Variants in ST8SIA5 observed in about 807,000 individuals in gnomAD.
ST8SIA5 encodes alpha-2,8-sialyltransferase 8E.
ST8SIA5 carries 24 observed loss-of-function variants against 40.2 expected under a neutral mutation model. That is an observed-to-expected ratio of 0.60 (90% confidence interval 0.43 to 0.84). ST8SIA5 has a LOEUF of 0.84. Among genes scored for constraint, ST8SIA5 ranks in the 40% least tolerant of loss-of-function variants. The probability of loss-of-function intolerance (pLI) is 0.00; values close to 1 mark genes in which losing one functional copy is unlikely to be tolerated. For missense variants in ST8SIA5, 465 were observed against 498.5 expected, an observed-to-expected ratio of 0.93 and a Z score of 0.64; for synonymous variants, 198 against 201.8, an observed-to-expected ratio of 0.98 and a Z score of 0.16.
At chr18:46,693,043 T>C (rs2039523341) in intron 2 of ST8SIA5, among the ~76,000 whole-genome samples, 1 of 152,004 alleles carries the variant, frequency 6.6e-6, no homozygotes, top group African/African-American at 2.4e-5. Flanking sequence ...CACTTTCCCC[T>C]CACTGCTGCC....
intron 1 of ST8SIA5, among the ~76,000 whole-genome samples, chr18:46,741,004 C>A (rs185503738): frequency 6.6e-6 from 1 of 152,128 alleles, no homozygotes; most frequent in African/African-American, 2.4e-5. Flanking sequence ...AGACTGTTAA[C>A]TGAAGAGCTA....
chr18:46,727,975 T>C (rs1235684445), intron 1 of ST8SIA5, among the ~76,000 whole-genome samples: 2 of 151,976 alleles, frequency 1.3e-5, no homozygotes, highest in African/African-American at 2.4e-5. Context: ...GGCAGGAGGA[T>C]CACAAGGTCA....
intron 5 of ST8SIA5, among the ~76,000 whole-genome samples, chr18:46,684,945 T>C (rs1000522902): frequency 1.3e-5 from 2 of 151,926 alleles, no homozygotes; most frequent in African/African-American, 4.8e-5. Flanking sequence ...CAACGCAGGA[T>C]GTAGGGGCTG....
Position 46,756,566 on chromosome 18 carries a change from G to A in ST8SIA5, c.-58C>T. On this transcript the variant is annotated 5_prime_UTR_variant, in exon 1 of 7. Transcript: ENST00000315087. ...GGGGCGGCCAGGCAATGACTCGCGGGGTTCCGGGGCCCCGGGGGGCGCGCG... is the reference window on the plus strand; with the variant it reads ...GGGGCGGCCAGGCAATGACTCGCGGAGTTCCGGGGCCCCGGGGGGCGCGCG... The A allele has an allele frequency of 1.3e-6, 2 of 1,581,454 alleles. No individual in the cohort carries two copies. The highest frequency in any genetic ancestry group is 1.7e-6 in the Non-Finnish European group (2 of 1,163,932).
chr18:46,695,701 C>G (rs2039550929), intron 2 of ST8SIA5, among the ~76,000 whole-genome samples: 1 of 152,158 alleles, frequency 6.6e-6, no homozygotes, highest in Non-Finnish European at 1.5e-5. Flanking sequence ...CAGTAAATAC[C>G]ATGGGGGCAG....
chr18:46,731,641 A>C (rs1038693704), intron 1 of ST8SIA5: 2 of 152,254 alleles, frequency 1.3e-5, no homozygotes, highest in African/African-American at 4.8e-5. Flanking sequence ...AAAACAACTC[A>C]ATCTTAAGCC....
chr18:46,736,374 T>C (rs1417548015), intron 1 of ST8SIA5, among the ~76,000 whole-genome samples: 2 of 152,150 alleles, frequency 1.3e-5, no homozygotes, highest in Non-Finnish European at 2.9e-5. Context: ...GGCCTGAGAT[T>C]GGACCTGCAG....
At chr18:46,756,263 C>T (rs1000127402) in intron 1 of ST8SIA5, 115 bp downstream of exon 1, 6 of 1,425,922 alleles carry the variant, frequency 4.2e-6, no homozygotes, top group African/African-American at 2.9e-5. Context: ...GGGCTAGGAG[C>T]GGACCCCACG....
intron 1 of ST8SIA5, among the ~76,000 whole-genome samples, chr18:46,751,372 T>A (rs2040194008): frequency 6.6e-6 from 1 of 151,862 alleles, no homozygotes; most frequent in African/African-American, 2.4e-5. Flanking sequence ...ATTTATTTAT[T>A]TATTTATTTA....
At chr18:46,740,265 C>G (rs2144558474) in intron 1 of ST8SIA5, among the ~76,000 whole-genome samples, 1 of 152,228 alleles carries the variant, frequency 6.6e-6, no homozygotes, top group Middle Eastern at 3.4e-3. Context: ...GGCCAAAGGG[C>G]CCTCCCAAGG....
At chr18:46,698,894 G>A (rs2039583328) in intron 2 of ST8SIA5, among the ~76,000 whole-genome samples, 1 of 152,080 alleles carries the variant, frequency 6.6e-6, no homozygotes, top group Non-Finnish European at 1.5e-5. Context: ...GGAAACAAGG[G>A]GAAAAAGATG....
intron 6 of ST8SIA5, 123 bp downstream of exon 6, chr18:46,681,849 G>C (rs1568248197): frequency 1.1e-6 from 1 of 880,382 alleles, no homozygotes. Flanking sequence ...TTGAAACCCA[G>C]TGTGTGTTTT....
chr18:46,682,132 G>T, intron 5 of ST8SIA5, 68 bp from the exon 6 acceptor site: 1 of 1,217,710 alleles, frequency 8.2e-7, no homozygotes, highest in Non-Finnish European at 1.1e-6. Flanking sequence ...AGGGTGCAGG[G>T]GGAGGGGAGG....
At chr18:46,710,285 C>CAGCTCTCCTCTCT (rs1568262871) in intron 1 of ST8SIA5, among the ~76,000 whole-genome samples, 2 of 152,050 alleles carry the variant, frequency 1.3e-5, no homozygotes, top group Non-Finnish European at 2.9e-5. Flanking sequence ...CAGTTCTCTC[C>CAGCTCTCCTCTCT]CTGCCCAGAC....
chr18:46,689,919 T>C (rs890321154), intron 3 of ST8SIA5, among the ~76,000 whole-genome samples: 1 of 151,906 alleles, frequency 6.6e-6, no homozygotes, highest in African/African-American at 2.4e-5. Context: ...TTTCATCTCT[T>C]GCAGGTACTT....
At chr18:46,689,303 G>C (rs777530823) in intron 3 of ST8SIA5, among the ~76,000 whole-genome samples, 29 of 152,118 alleles carry the variant, frequency 1.9e-4, no homozygotes, top group Non-Finnish European at 3.1e-4. Flanking sequence ...GGAACTCCTC[G>C]ACGGAGCCTG....
intron 1 of ST8SIA5, among the ~76,000 whole-genome samples, chr18:46,742,104 A>T (rs1201330023): frequency 6.6e-6 from 1 of 151,392 alleles, no homozygotes; most frequent in Non-Finnish European, 1.5e-5. Context: ...CCATGTAAAA[A>T]ATAAATAAAT....
Position 46,678,562 on chromosome 18 carries a change from AT to A in ST8SIA5, c.*1479del, listed in dbSNP as rs1378764860. On this transcript the variant is annotated 3_prime_UTR_variant, in exon 7 of 7. Coordinates refer to ENST00000315087, the MANE Select transcript of ST8SIA5 (RefSeq NM_013305.6). ...GGCCCTGCACCCCCAGAAGACACAG[AT>A]AATGCCTTTGTTTATCCTTATGTCT... 1.3e-5 allele frequency: 2 copies of A among 152,300 alleles called. No individual in the cohort carries two copies. Among genetic ancestry groups the A allele is most frequent in the African/African-American group, 4.8e-5 (2 of 41,456 alleles). 9.4% of individuals were successfully genotyped at this position (152,300 alleles called of 1,614,324 possible). A position where few individuals can be genotyped will look rare whatever the true frequency, so the allele number is the denominator to read the frequency against.
chr18:46,751,980 C>A (rs2040199951), intron 1 of ST8SIA5, among the ~76,000 whole-genome samples: 1 of 152,176 alleles, frequency 6.6e-6, no homozygotes. Flanking sequence ...ACCCTCCCCG[C>A]TCCCTCCCAG....
Sources: allele counts gnomAD v4.1 joint callset (sites outside exome capture counted in the v4.1 genomes callset), GRCh38; gene constraint gnomAD v4.1.1; transcripts MANE v1.5; gene names NCBI Gene and HGNC (gene_info 2026-07-23, HGNC 2026-07-21).